The following AGMO variants were observed in gnomAD, a reference collection of about 807,000 sequenced individuals.
AGMO encodes the protein alkylglycerol monooxygenase.
AGMO carries 75 observed loss-of-function variants against 60.2 expected under a neutral mutation model. The observed-to-expected ratio is 1.25, with a 90% CI of 1.03 to 1.51. AGMO has a LOEUF of 1.51. Among genes scored for constraint, AGMO ranks in the 40% most tolerant of loss-of-function variants. The pLI, the probability that AGMO is intolerant of heterozygous loss-of-function variation, is 0.00. For missense variants in AGMO, 763 were observed against 525.5 expected (o/e 1.45, Z -4.42); for synonymous variants, 261 against 177.1 (o/e 1.47, Z -3.76).
At chr7:15,225,997 C>T (rs1460335808) in intron 12 of AGMO, among the ~76,000 whole-genome samples, 1 of 151,904 alleles carries the variant, frequency 6.6e-6, no homozygotes, top group Non-Finnish European at 1.5e-5. Context: ...GATAAATCAG[C>T]TTCTATGATG....
At chr7:15,476,082 T>C (rs370016756) in intron 3 of AGMO, among the ~76,000 whole-genome samples, 1 of 152,092 alleles carries the variant, frequency 6.6e-6, no homozygotes, top group East Asian at 1.9e-4. Context: ...CGACACACTG[T>C]CACTTTAAGT....
intron 12 of AGMO, among the ~76,000 whole-genome samples, chr7:15,275,684 T>C (rs540179775): frequency 1.4e-4 from 22 of 152,268 alleles, no homozygotes; most frequent in Non-Finnish European, 2.6e-4. Context: ...TTTTCTTAGG[T>C]TAAGTAGTAT....
the AGMO span, among the ~76,000 whole-genome samples, chr7:15,121,117 C>T: frequency 1.3e-5 from 2 of 152,244 alleles, no homozygotes; most frequent in South Asian, 4.1e-4. Context: ...ATGACGGCTT[C>T]CAGCTTCATC....
chr7:15,479,568 G>A (rs1003457125), intron 3 of AGMO, among the ~76,000 whole-genome samples: 2 of 151,718 alleles, frequency 1.3e-5, no homozygotes, highest in African/African-American at 4.8e-5. Context: ...GATCATCATG[G>A]TTTTTTTTCA....
intron 12 of AGMO, among the ~76,000 whole-genome samples, chr7:15,318,900 C>T (rs1399431596): frequency 6.6e-6 from 1 of 152,128 alleles, no homozygotes; most frequent in African/African-American, 2.4e-5. Context: ...AATTACAACA[C>T]TTGATTGGCT....
chr7:15,560,131 T>A lies in AGMO; in HGVS notation c.257+10A>T. On this transcript the variant is annotated intron_variant, in intron 2 of 12. Transcript: ENST00000342526. ...TTTTTATGCTCAGCGTTGTTGACCATCTAACTCACCTTGGAAGTCGAGACA... is the reference window on the plus strand; with the variant it reads ...TTTTTATGCTCAGCGTTGTTGACCAACTAACTCACCTTGGAAGTCGAGACA... 1 of 1,603,968 alleles carries A rather than the reference T, an allele frequency of 6.2e-7. No homozygotes were observed. Among genetic ancestry groups the A allele is most frequent in the East Asian group, 2.2e-5 (1 of 44,518 alleles).
intron 12 of AGMO, among the ~76,000 whole-genome samples, chr7:15,322,447 T>A (rs1413523568): frequency 1.8e-5 from 2 of 111,550 alleles, no homozygotes; most frequent in African/African-American, 6.8e-5. Flanking sequence ...TATATATAAA[T>A]ATATATATAA....
chr7:15,404,014 T>C (rs1384168589), intron 5 of AGMO, among the ~76,000 whole-genome samples: 1 of 151,898 alleles, frequency 6.6e-6, no homozygotes, highest in African/African-American at 2.4e-5. Flanking sequence ...GTTTTCTACT[T>C]CAGTAAGCAT....
rs906108375 is a variant in AGMO, at chr7:15,360,672, G to C, written c.1263+4842C>G. On this transcript the variant is annotated intron_variant, in intron 12 of 12. Transcript: ENST00000342526. ...AGGAGGTGGATGAGGTGTAAGGGGA[G>C]GCCGGAGAGACAGGCACACTTAGTG... 6.6e-5 allele frequency among the ~76,000 whole-genome samples: 10 copies of C among 151,928 alleles called. No homozygotes were observed. The East Asian group carries it at 1.9e-3, about 29-fold the overall frequency.
the AGMO span, among the ~76,000 whole-genome samples, chr7:15,158,754 T>C: frequency 2.0e-5 from 3 of 152,178 alleles, no homozygotes; most frequent in Admixed American, 2.0e-4. Context: ...TTCCTGTCTC[T>C]GAATTAAATT....
intron 3 of AGMO, among the ~76,000 whole-genome samples, chr7:15,436,596 G>A (rs532832417): frequency 6.6e-6 from 1 of 152,126 alleles, no homozygotes; most frequent in East Asian, 1.9e-4. Context: ...AGCTGCATGA[G>A]TCTAGAAATT....
chr7:15,533,285 G>A (rs1277862904), intron 3 of AGMO, among the ~76,000 whole-genome samples: 1 of 151,700 alleles, frequency 6.6e-6, no homozygotes, highest in Non-Finnish European at 1.5e-5. Context: ...CTATTTTCTT[G>A]GGATTAATAA....
chr7:15,297,245 C>A (rs1434209657), intron 12 of AGMO, among the ~76,000 whole-genome samples: 1 of 152,116 alleles, frequency 6.6e-6, no homozygotes, highest in Non-Finnish European at 1.5e-5. Flanking sequence ...CAAAGACCAA[C>A]CCTACTGACA....
intron 2 of AGMO, among the ~76,000 whole-genome samples, chr7:15,551,514 TACACCAACA>T (rs202073256): frequency 0.044 from 6,635 of 150,182 alleles, 311 homozygotes; most frequent in East Asian, 0.26. Flanking sequence ...AGCATTCTTA[TACACCAACA>T]ACAGACAAAC....
At chr7:15,160,656 TC>T in the AGMO span, among the ~76,000 whole-genome samples, 1 of 152,154 alleles carries the variant, frequency 6.6e-6, no homozygotes, top group Non-Finnish European at 1.5e-5. Context: ...ATAATGCAAA[TC>T]TATTTATAAT....
intron 3 of AGMO, among the ~76,000 whole-genome samples, chr7:15,494,855 C>T (rs900777312): frequency 1.3e-5 from 2 of 152,182 alleles, no homozygotes; most frequent in African/African-American, 4.8e-5. Context: ...CTCTCGCAAG[C>T]CTGTTGCAAA....
At chr7:15,414,865 A>C (rs1031370330) in intron 5 of AGMO, among the ~76,000 whole-genome samples, 12 of 152,186 alleles carry the variant, frequency 7.9e-5, no homozygotes, top group African/African-American at 2.9e-4. Flanking sequence ...ACTTTTTCTC[A>C]ACAAGTCATC....
chr7:15,462,809 AG>A, intron 3 of AGMO, among the ~76,000 whole-genome samples: 1 of 152,290 alleles, frequency 6.6e-6, no homozygotes, highest in Middle Eastern at 3.4e-3. Flanking sequence ...CATGCAAAAT[AG>A]GGAAAGAAAG....
At chr7:15,129,435 T>C in the AGMO span, among the ~76,000 whole-genome samples, 1 of 152,166 alleles carries the variant, frequency 6.6e-6, no homozygotes, top group African/African-American at 2.4e-5. Context: ...GTGTTTCACA[T>C]CACATTTAAA....
Sources: allele counts gnomAD v4.1 joint callset (sites outside exome capture counted in the v4.1 genomes callset), GRCh38; gene constraint gnomAD v4.1.1; transcripts MANE v1.5; gene names NCBI Gene and HGNC (gene_info 2026-07-23, HGNC 2026-07-21).